The following RSRC1 variants were observed in gnomAD, a reference collection of about 807,000 sequenced individuals.
RSRC1 encodes the protein arginine and serine rich coiled-coil 1.
Under a neutral mutation model 49.1 loss-of-function variants are expected in RSRC1, and 39 were observed. The observed-to-expected ratio is 0.79, with a 90% CI of 0.61 to 1.04. The LOEUF (loss-of-function observed/expected upper bound fraction) is 1.04. RSRC1 is among the 50% of genes least tolerant of loss of function. The pLI is 0.00. For synonymous variants in RSRC1, 143 were observed against 130.8 expected (o/e 1.09, Z -0.63); for missense variants, 388 against 402.4 (o/e 0.96, Z 0.31).
Position 158,412,430 on chromosome 3 carries a change from T to C in RSRC1, c.584-48505T>C, listed in dbSNP as rs552648371. Reference sequence around the variant, plus strand: ...TAAAATTTTGCCTATTCTTTAAGACTCACTTCAAGTGTCACCTTCTTTTGG... The same window carrying C: ...TAAAATTTTGCCTATTCTTTAAGACCCACTTCAAGTGTCACCTTCTTTTGG... On this transcript the variant is annotated intron_variant, in intron 6 of 9. Transcript: ENST00000611884. Among the ~76,000 whole-genome samples the C allele has an allele frequency of 5.3e-5, 8 of 152,336 alleles. No individual in the cohort carries two copies. The South Asian group carries it at 1.7e-3, about 32-fold the overall frequency.
chr3:158,362,094 T>C (rs1731505876), intron 6 of RSRC1, among the ~76,000 whole-genome samples: 1 of 152,206 alleles, frequency 6.6e-6, no homozygotes, highest in African/African-American at 2.4e-5. Context: ...ATCCCAGCAC[T>C]GTAGGAGGCC....
chr3:158,490,335 C>G (rs145795315), intron 7 of RSRC1, among the ~76,000 whole-genome samples: 2,334 of 152,332 alleles, frequency 0.015, 79 homozygotes, highest in African/African-American at 0.053. Flanking sequence ...CCACCCACCT[C>G]ACCCTTCCAA....
At chr3:158,265,768 T>G (rs1246381709) in intron 4 of RSRC1, among the ~76,000 whole-genome samples, 2 of 152,232 alleles carry the variant, frequency 1.3e-5, no homozygotes, top group East Asian at 3.8e-4. Context: ...GCTTTTTTCA[T>G]TCTTAATGTT....
intron 4 of RSRC1, among the ~76,000 whole-genome samples, chr3:158,275,392 A>T (rs1725749524): frequency 6.6e-6 from 1 of 152,202 alleles, no homozygotes; most frequent in Non-Finnish European, 1.5e-5. Flanking sequence ...AGCCCAATTT[A>T]AAAAGTCTGT....
At chr3:158,498,002 A>G (rs1739427962) in intron 7 of RSRC1, among the ~76,000 whole-genome samples, 1 of 152,144 alleles carries the variant, frequency 6.6e-6, no homozygotes, top group Admixed American at 6.5e-5. Context: ...CACGATTTGC[A>G]CTTATGAATT....
chr3:158,358,279 C>T (rs534645724), intron 6 of RSRC1, among the ~76,000 whole-genome samples: 14 of 152,184 alleles, frequency 9.2e-5, no homozygotes, highest in East Asian at 1.9e-4. Context: ...CTTTTATAGG[C>T]GATAATTCAC....
chr3:158,358,483 C>T (rs769460216), intron 6 of RSRC1, among the ~76,000 whole-genome samples: 1 of 152,152 alleles, frequency 6.6e-6, no homozygotes, highest in Non-Finnish European at 1.5e-5. Context: ...GATCCTAAGC[C>T]TGCCATCACC....
In RSRC1 at chr3:158,163,748, C is replaced by A. The variant is rs201844886; in HGVS notation, c.321-39324C>A. On this transcript the variant is annotated intron_variant, in intron 3 of 9. Transcript: ENST00000611884. ...ATCAATCTGTTTCTACCTTTGCTACCCTTTATAGCAATTTTTTTTTTTTTA... is the reference window on the plus strand; with the variant it reads ...ATCAATCTGTTTCTACCTTTGCTACACTTTATAGCAATTTTTTTTTTTTTA... Among the ~76,000 whole-genome samples, 8 of 123,228 alleles carry A rather than the reference C, an allele frequency of 6.5e-5. No homozygotes were observed. In the East Asian group the frequency reaches 2.1e-3, roughly 32 times the overall value. The allele number at this position is 123,228 out of a possible 152,430, so 80.8% of individuals were successfully genotyped here.
At chr3:158,267,759 A>G (rs1474180467) in intron 4 of RSRC1, among the ~76,000 whole-genome samples, 2 of 151,588 alleles carry the variant, frequency 1.3e-5, no homozygotes, top group Admixed American at 6.6e-5. Context: ...TATTTAAACA[A>G]TTTATAATAG....
At chr3:158,458,239 A>T (rs2108401659) in intron 6 of RSRC1, among the ~76,000 whole-genome samples, 1 of 152,278 alleles carries the variant, frequency 6.6e-6, no homozygotes, top group Middle Eastern at 3.4e-3. Context: ...ATCCATGTTA[A>T]TTTCTAAAAT....
intron 8 of RSRC1, among the ~76,000 whole-genome samples, chr3:158,538,839 A>T (rs1253200201): frequency 1.2e-4 from 19 of 152,016 alleles, no homozygotes; most frequent in Admixed American, 1.2e-3. Context: ...CTTCAAAATG[A>T]TCAGAAGATC....
At chr3:158,482,484 G>A (rs1465128466) in intron 7 of RSRC1, among the ~76,000 whole-genome samples, 2 of 151,976 alleles carry the variant, frequency 1.3e-5, no homozygotes, top group African/African-American at 4.8e-5. Flanking sequence ...TCAACAGATG[G>A]AAGTTTATCT....
chr3:158,142,813 G>A (rs962222976), intron 3 of RSRC1, among the ~76,000 whole-genome samples: 1 of 152,090 alleles, frequency 6.6e-6, no homozygotes, highest in African/African-American at 2.4e-5. Context: ...TTCAACATGA[G>A]ATTTGGAGGG....
At chr3:158,211,920 TA>T (rs1170051752) in intron 4 of RSRC1, among the ~76,000 whole-genome samples, 1 of 151,942 alleles carries the variant, frequency 6.6e-6, no homozygotes, top group Non-Finnish European at 1.5e-5. Context: ...TGTGTCTTTT[TA>T]AAGGTTGTTC....
intron 7 of RSRC1, among the ~76,000 whole-genome samples, chr3:158,529,938 T>C (rs1712283160): frequency 6.6e-6 from 1 of 151,822 alleles, no homozygotes; most frequent in Non-Finnish European, 1.5e-5. Flanking sequence ...CATGGTAGAC[T>C]CCAGTGCCTT....
chr3:158,124,276 T>C (rs1715474540), intron 3 of RSRC1, among the ~76,000 whole-genome samples: 1 of 152,162 alleles, frequency 6.6e-6, no homozygotes, highest in South Asian at 2.1e-4. Flanking sequence ...GGTTTCTTTT[T>C]TTCAGCCCGG....
intron 6 of RSRC1, among the ~76,000 whole-genome samples, chr3:158,449,067 TTTTTCAA>T (rs1157323218): frequency 6.6e-6 from 1 of 151,926 alleles, no homozygotes; most frequent in Non-Finnish European, 1.5e-5. Context: ...ACATTTTTCA[TTTTTCAA>T]TATCATCATT....
In RSRC1 at chr3:158,544,168, C is replaced by A. The variant is rs376057372; in HGVS notation, c.913-15C>A. The A allele has an allele frequency of 1.9e-5, 30 of 1,581,108 alleles. No homozygotes were observed. The highest frequency in any genetic ancestry group is 2.4e-5 in the Non-Finnish European group (28 of 1,156,698). On this transcript the variant is annotated splice_polypyrimidine_tract_variant and intron_variant, in intron 9 of 9. Coordinates refer to ENST00000611884, the MANE Select transcript of RSRC1 (RefSeq NM_001271838.2). ...GGAGACAGTAACATTTTTTCTTTTT[C>A]TTTTCTTATTTCAGTTATTTATCGA...
chr3:158,512,645 T>C (rs907984478), intron 7 of RSRC1, among the ~76,000 whole-genome samples: 2 of 151,090 alleles, frequency 1.3e-5, no homozygotes, highest in African/African-American at 4.8e-5. Flanking sequence ...TTTCCAATTC[T>C]GTGAAGAAAC....
Sources: gnomAD v4.1 joint callset for allele counts (sites outside exome capture counted in the v4.1 genomes callset) on GRCh38, gnomAD v4.1.1 for gene constraint, MANE v1.5 for transcripts, NCBI Gene and HGNC (gene_info 2026-07-23, HGNC 2026-07-21) for gene names.